SKAP1: variants seen among roughly 807,000 people sequenced by gnomAD.
The protein encoded by SKAP1 is src kinase associated phosphoprotein 1, also known as src kinase-associated phosphoprotein 1.
A neutral mutation model predicts 58.5 loss-of-function variants in SKAP1; 44 were observed. The ratio of observed to expected loss-of-function variants is 0.75; its 90% CI spans 0.59 to 0.97. SKAP1 has a LOEUF of 0.97. Among genes scored for constraint, SKAP1 ranks in the 50% least tolerant of loss-of-function variants. The pLI is 0.00. For synonymous variants in SKAP1, 127 were observed against 149.7 expected (o/e 0.85, Z 1.11); for missense variants, 390 against 435.2 (o/e 0.90, Z 0.92).
chr17:48,402,240 T>C (rs2067507204), intron 1 of SKAP1, among the ~76,000 whole-genome samples: 1 of 151,916 alleles, frequency 6.6e-6, no homozygotes, highest in Non-Finnish European at 1.5e-5. Flanking sequence ...CAGAGAATTA[T>C]CATAGGATCC....
In SKAP1 at chr17:48,346,012, G is replaced by T; in HGVS notation, c.179-6C>A. 6.4e-7 allele frequency: 1 copy of T among 1,552,740 alleles called. No individual in the cohort carries two copies. The highest frequency in any genetic ancestry group is 1.2e-5 in the South Asian group (1 of 84,924). ...GTCCTGTCCAATGTCTCCCCCTGAG[G>T]GACAAAAAAGACAGAAAATAAGGTT... is the stretch of plus-strand genomic sequence containing the variant. On this transcript the variant is annotated splice_polypyrimidine_tract_variant and splice_region_variant and intron_variant, in intron 3 of 12. Transcript: ENST00000336915.
chr17:48,149,919 G>A (rs1431148147), intron 11 of SKAP1, among the ~76,000 whole-genome samples: 1 of 152,004 alleles, frequency 6.6e-6, no homozygotes, highest in Non-Finnish European at 1.5e-5. Context: ...GGGAAAGAAG[G>A]GGAAAAAAGG....
intron 1 of SKAP1, among the ~76,000 whole-genome samples, chr17:48,406,485 C>T (rs1199180434): frequency 2.6e-5 from 4 of 151,108 alleles, no homozygotes; most frequent in Non-Finnish European, 5.9e-5. Flanking sequence ...CTCACTGCAG[C>T]CTCAACCTCC....
At chr17:48,221,095 C>T (rs994968698) in intron 4 of SKAP1, among the ~76,000 whole-genome samples, 2 of 151,712 alleles carry the variant, frequency 1.3e-5, no homozygotes, top group African/African-American at 2.4e-5. Context: ...GGTGAAACCG[C>T]GTCTCTACTA....
chr17:48,286,326 T>C (rs1048857558), intron 4 of SKAP1, among the ~76,000 whole-genome samples: 14 of 152,228 alleles, frequency 9.2e-5, no homozygotes, highest in Non-Finnish European at 2.1e-4. Flanking sequence ...ACAAGATTTA[T>C]TTTTATAACC....
chr17:48,215,844 G>T (rs1252595402), intron 4 of SKAP1, among the ~76,000 whole-genome samples: 1 of 152,092 alleles, frequency 6.6e-6, no homozygotes, highest in Non-Finnish European at 1.5e-5. Context: ...GTTCTAATTG[G>T]AGACAGTTTT....
intron 4 of SKAP1, among the ~76,000 whole-genome samples, chr17:48,323,669 C>T (rs750513088): frequency 3.6e-4 from 55 of 152,108 alleles, no homozygotes; most frequent in Middle Eastern, 3.4e-3. Context: ...ATCCTAGAGG[C>T]TGGAAGAGTG....
At chr17:48,251,151 GTGTAAAT>G (rs777401637) in intron 4 of SKAP1, among the ~76,000 whole-genome samples, 26 of 152,190 alleles carry the variant, frequency 1.7e-4, no homozygotes, top group Non-Finnish European at 3.4e-4. Flanking sequence ...TAAATGCTGG[GTGTAAAT>G]TGTTGTTTAT....
At chr17:48,363,835 A>T in intron 2 of SKAP1, 21 bp from the exon 3 acceptor site, 1 of 1,603,878 alleles carries the variant, frequency 6.2e-7, no homozygotes. Context: ...AGGGGGAAAA[A>T]AAAAGGGAAT....
chr17:48,432,833 TAA>T (rs2067926614), upstream of SKAP1, among the ~76,000 whole-genome samples: 2 of 152,350 alleles, frequency 1.3e-5, no homozygotes, highest in South Asian at 4.1e-4. Flanking sequence ...AATTGTTTGA[TAA>T]AGAGCAGTAA....
chr17:48,204,989 C>CTTTCTTTCTTTCTTTG (rs2064782790), intron 4 of SKAP1, among the ~76,000 whole-genome samples: 1 of 55,832 alleles, frequency 1.8e-5, no homozygotes, highest in Non-Finnish European at 3.5e-5. Context: ...TTCTTTCTTT[C>CTTTCTTTCTTTCTTTG]TTTCTTTCTT....
chr17:48,223,045 C>T (rs2065022667), intron 4 of SKAP1, among the ~76,000 whole-genome samples: 1 of 102,372 alleles, frequency 9.8e-6, no homozygotes, highest in Admixed American at 1.6e-4. Flanking sequence ...GCCTGGGCGA[C>T]AGGGTGAGAC....
chr17:48,270,570 T>C (rs1176540976), intron 4 of SKAP1, among the ~76,000 whole-genome samples: 5 of 152,058 alleles, frequency 3.3e-5, no homozygotes, highest in Non-Finnish European at 7.4e-5. Flanking sequence ...CTCGATCTCC[T>C]GACCTAGTGA....
chr17:48,382,388 C>T (rs917481836), intron 2 of SKAP1: 3 of 152,164 alleles, frequency 2.0e-5, no homozygotes, highest in Non-Finnish European at 4.4e-5. Context: ...AGACTGTGTC[C>T]TCTCCTCCTT....
chr17:48,134,361 C>G (rs2063673145), intron 12 of SKAP1, among the ~76,000 whole-genome samples: 1 of 152,126 alleles, frequency 6.6e-6, no homozygotes, highest in Non-Finnish European at 1.5e-5. Context: ...CTCTGTTGCC[C>G]AGGCTGGAGT....
At chr17:48,158,181 A>C (rs2064008884) in intron 11 of SKAP1, among the ~76,000 whole-genome samples, 1 of 69,730 alleles carries the variant, frequency 1.4e-5, no homozygotes. Context: ...CTGTCTCAAA[A>C]AAAAAAAAAA....
intron 3 of SKAP1, among the ~76,000 whole-genome samples, chr17:48,352,502 T>C (rs1336738197): frequency 6.6e-6 from 1 of 152,214 alleles, no homozygotes; most frequent in Non-Finnish European, 1.5e-5. Context: ...CTGGAATTAT[T>C]GGCTCATAGT....
intron 4 of SKAP1, among the ~76,000 whole-genome samples, chr17:48,312,878 T>C (rs1170265756): frequency 6.6e-6 from 1 of 152,166 alleles, no homozygotes; most frequent in Non-Finnish European, 1.5e-5. Flanking sequence ...AGGTGGGCTG[T>C]TTATTTGCAT....
intron 2 of SKAP1, among the ~76,000 whole-genome samples, chr17:48,396,108 C>T (rs2067414914): frequency 6.6e-6 from 1 of 151,982 alleles, no homozygotes. Context: ...TTATTTTTTC[C>T]CCAAGCAAGT....
Sources: gnomAD v4.1 joint callset for allele counts (sites outside exome capture counted in the v4.1 genomes callset) on GRCh38, gnomAD v4.1.1 for gene constraint, MANE v1.5 for transcripts, NCBI Gene and HGNC (gene_info 2026-07-23, HGNC 2026-07-21) for gene names.